TMEM89: variants seen among roughly 807,000 people sequenced by gnomAD.
TMEM89 encodes the protein transmembrane protein 89.
A neutral mutation model predicts 9.3 loss-of-function variants in TMEM89; 4 were observed. The ratio of observed to expected loss-of-function variants is 0.43; its 90% CI spans 0.21 to 0.98. TMEM89 has a LOEUF of 0.98. TMEM89 is among the 50% of genes least tolerant of loss of function. The probability of loss-of-function intolerance (pLI) is 0.27; values close to 1 mark genes in which losing one functional copy is unlikely to be tolerated. For missense variants in TMEM89, 220 were observed against 214.7 expected, an observed-to-expected ratio of 1.02 and a Z score of -0.15; for synonymous variants, 96 against 92.5, an observed-to-expected ratio of 1.04 and a Z score of -0.21.
intron 1 of TMEM89, 143 bp downstream of exon 1, chr3:48,621,320 A>G (rs1034280864): frequency 2.8e-5 from 25 of 905,380 alleles, no homozygotes; most frequent in Non-Finnish European, 3.6e-5. Context: ...CACAGGGACA[A>G]TGGGCTGTGA....
chr3:48,621,096 A>G (rs750049037), intron 1 of TMEM89, 69 bp from the exon 2 acceptor site: 35 of 1,530,850 alleles, frequency 2.3e-5, no homozygotes, highest in Non-Finnish European at 3.0e-5. Flanking sequence ...AGGGGCAGTG[A>G]TGGAGCTGGG....
chr3:48,621,519 T>C lies in TMEM89; in HGVS notation c.238A>G (p.Met80Val). Reference sequence around the variant, plus strand: ...CCCTGCAGTATCTTGCGGCAGATCATCAGCATCGTGGTGGTGATCATGACC... The same window carrying C: ...CCCTGCAGTATCTTGCGGCAGATCACCAGCATCGTGGTGGTGATCATGACC... ...AAVMITTTML[M>V]ICRKILQGRR... The change falls in exon 1 of 2, where the codon ATG (methionine) becomes GTG (valine). Residue 80 changes from methionine to valine, a missense_variant. Physicochemically the swap from Met to Val is conservative, Grantham distance 21. Coordinates refer to ENST00000330862, the MANE Select transcript of TMEM89 (RefSeq NM_001008269.3). 1 of 1,613,842 alleles carries C rather than the reference T, an allele frequency of 6.2e-7. No homozygotes were observed. The highest frequency in any genetic ancestry group is 8.5e-7 in the Non-Finnish European group (1 of 1,179,954).
In TMEM89 at chr3:48,621,474, T is replaced by TG; in HGVS notation, c.282dup (p.Thr95HisfsTer4). On this transcript the variant is annotated frameshift_variant, in exon 1 of 2. Coordinates refer to ENST00000330862, the MANE Select transcript of TMEM89 (RefSeq NM_001008269.3). LOFTEE classifies it low-confidence loss of function (END_TRUNC). ...AGAGCTGTGCTCACCTCACCCTTGG[T>TG]GGCCTGTGAGCGCCGCCGCCCCTGC... 6.2e-7 allele frequency: 1 copy of TG among 1,613,066 alleles called. No homozygotes were observed. Among genetic ancestry groups the TG allele is most frequent in the Non-Finnish European group, 8.5e-7 (1 of 1,179,746 alleles).
Position 48,620,779 on chromosome 3 carries a change from C to A in TMEM89, c.*63G>T, listed in dbSNP as rs2046531361. Reference sequence around the variant, plus strand: ...AAAAGGGACACACGGTCCAGACAGGCCTGGAAAGAGCAGACCTGGCCCAGG... The same window carrying A: ...AAAAGGGACACACGGTCCAGACAGGACTGGAAAGAGCAGACCTGGCCCAGG... On this transcript the variant is annotated 3_prime_UTR_variant, in exon 2 of 2. Transcript: ENST00000330862. 2.0e-6 allele frequency: 3 copies of A among 1,508,160 alleles called. No homozygotes were observed. The highest frequency in any genetic ancestry group is 2.8e-6 in the Non-Finnish European group (3 of 1,086,834). The allele number at this position is 1,508,160 out of a possible 1,614,324, so 93.4% of individuals were successfully genotyped here. A position where few individuals can be genotyped will look rare whatever the true frequency, so the allele number is the denominator to read the frequency against.
chr3:48,621,098 G>A, intron 1 of TMEM89, 71 bp from the exon 2 acceptor site: 1 of 1,499,640 alleles, frequency 6.7e-7, no homozygotes, highest in Admixed American at 1.7e-5. Flanking sequence ...GGGCAGTGAT[G>A]GAGCTGGGGA....
At chr3:48,621,383 G>T in intron 1 of TMEM89, 80 bp downstream of exon 1, 2 of 1,534,686 alleles carry the variant, frequency 1.3e-6, no homozygotes, top group Non-Finnish European at 8.8e-7. Flanking sequence ...CCATGGGGCA[G>T]GGTTGGGTGG....
At position 48,620,843 on chromosome 3, in the gene TMEM89, C is replaced by A; in HGVS notation, c.479G>T (p.Ter160LeuextTer?). Residue 160 changes from the stop codon to leucine, a stop_lost, in exon 2 of 2, where the codon TGA (stop) becomes TTA (leucine). Transcript: ENST00000330862. ...AGGCAAAGAGAGGCACATGTTCGGT[C>A]ACCCACTCTGGGTGGAAGTCCCCTT... ...QIKGTSTQSG[*>L] 1.2e-6 allele frequency: 2 copies of A among 1,614,122 alleles called. No individual in the cohort carries two copies. Among genetic ancestry groups the A allele is most frequent in the South Asian group, 2.2e-5 (2 of 91,042 alleles).
rs1438033156 is a variant in TMEM89 at position 48,621,320 on chromosome 3, A to AT, written c.294+142dup. 4.4e-6 allele frequency: 4 copies of AT among 905,380 alleles called. No homozygotes were observed. In the African/African-American group the frequency reaches 8.1e-5, roughly 18 times the overall value. 56.1% of individuals were successfully genotyped at this position (905,380 alleles called of 1,614,324 possible). On this transcript the variant is annotated intron_variant, in intron 1 of 1. Coordinates refer to ENST00000330862, the MANE Select transcript of TMEM89 (RefSeq NM_001008269.3). Reference sequence around the variant, plus strand: ...ACGAAGGTGTGTGGACACAGGGACAATGGGCTGTGAGCTGGGGGTGGGGGT... The same window carrying AT: ...ACGAAGGTGTGTGGACACAGGGACAATTGGGCTGTGAGCTGGGGGTGGGGGT...
In TMEM89 at chr3:48,621,739, G is replaced by A. The variant is rs755843124; in HGVS notation, c.18C>T (p.Ala6=). The change falls in exon 1 of 2, where the codon GCC becomes GCT. Residue 6 remains alanine (A), a synonymous_variant. Transcript: ENST00000330862. The stretch of plus-strand genomic sequence containing the variant: ...CCAGCAGGAGCAGCAAAGGCAGCGA[G>A]GCCAGCACATGCAGCATGGCCGTCG... MLHVL[A]SLPLLLLLVT... The A allele has an allele frequency of 1.9e-6, 3 of 1,612,842 alleles. No homozygotes were observed. The highest frequency in any genetic ancestry group is 1.1e-5 in the South Asian group (1 of 91,070).
chr3:48,621,344 G>T (rs1249282429), intron 1 of TMEM89, 119 bp downstream of exon 1: 3 of 1,252,372 alleles, frequency 2.4e-6, no homozygotes, highest in Non-Finnish European at 2.2e-6. Flanking sequence ...GGGGGTGGGG[G>T]TGTGGGAGGT....
Position 48,621,556 on chromosome 3 carries a change from G to A in TMEM89, c.201C>T (p.Tyr67=), listed in dbSNP as rs2046540692. The change falls in exon 1 of 2, where the codon TAC becomes TAT. Residue 67 remains tyrosine, a synonymous_variant. Coordinates refer to ENST00000330862, the MANE Select transcript of TMEM89 (RefSeq NM_001008269.3). The part of the protein sequence containing the change: ...YWLGPGASRI[Y]PVAAVMITTT... Reference sequence around the variant, plus strand: ...TGGTGATCATGACCGCAGCCACGGGGTAGATGCGGCTTGCTCCAGGGCCCA... The same window carrying A: ...TGGTGATCATGACCGCAGCCACGGGATAGATGCGGCTTGCTCCAGGGCCCA... 1.9e-6 allele frequency: 3 copies of A among 1,613,710 alleles called. No individual in the cohort carries two copies. In the African/African-American group the frequency reaches 4.0e-5, roughly 22 times the overall value.
At position 48,621,675 on chromosome 3, in the gene TMEM89, A is replaced by G; in HGVS notation, c.82T>C (p.Trp28Arg). 1.2e-6 allele frequency: 2 copies of G among 1,613,898 alleles called. No homozygotes were observed. Among genetic ancestry groups the G allele is most frequent in the Non-Finnish European group, 1.7e-6 (2 of 1,179,960 alleles). Residue 28 changes from tryptophan (W) to arginine (R), a missense_variant, in exon 1 of 2, where the codon TGG becomes CGG. Coordinates refer to ENST00000330862, the MANE Select transcript of TMEM89 (RefSeq NM_001008269.3). ...TGCAAGTCCAGCCCCACCTGGTACC[A>G]GAGGGGTCTCGACCAGGCGTGGGTG... is the stretch of plus-strand genomic sequence containing the variant. ...ASTHAWSRPLWYQVGLDLQPW... is the reference protein window; with the variant it reads ...ASTHAWSRPLRYQVGLDLQPW...
At position 48,621,458 on chromosome 3, in the gene TMEM89, C is replaced by T; in HGVS notation, c.294+5G>A. On this transcript the variant is annotated splice_donor_5th_base_variant and intron_variant, in intron 1 of 1. Coordinates refer to ENST00000330862, the MANE Select transcript of TMEM89 (RefSeq NM_001008269.3). ...CTGTGGGGGAGAAAGAAGAGCTGTG[C>T]TCACCTCACCCTTGGTGGCCTGTGA... 6.2e-7 allele frequency: 1 copy of T among 1,611,664 alleles called. No individual in the cohort carries two copies. Among genetic ancestry groups the T allele is most frequent in the South Asian group, 1.1e-5 (1 of 90,726 alleles).
Position 48,621,699 on chromosome 3 carries a change from T to C in TMEM89, c.58A>G (p.Thr20Ala), listed in dbSNP as rs2046542784. 3 of 1,613,548 alleles carry C rather than the reference T, an allele frequency of 1.9e-6. No homozygotes were observed. The South Asian group carries it at 3.3e-5, about 18-fold the overall frequency. Residue 20 changes from threonine (T) to alanine (A), a missense_variant, in exon 1 of 2, where the codon ACC (threonine) becomes GCC (alanine). Thr to Ala is a moderately conservative substitution (Grantham distance 58). Transcript: ENST00000330862. ...LLLLLVTSAS[T>A]HAWSRPLWYQ... ...CAGAGGGGTCTCGACCAGGCGTGGG[T>C]GGAGGCAGACGTCACCAGCAGGAGC...
rs1183884273 is a variant in TMEM89 at position 48,621,650 on chromosome 3, T to A, written c.107A>T (p.Gln36Leu). 2 of 1,613,840 alleles carry A rather than the reference T, an allele frequency of 1.2e-6. No homozygotes were observed. Among genetic ancestry groups the A allele is most frequent in the Middle Eastern group, 1.6e-4 (1 of 6,074 alleles). ...ACTCTTTGGCTGACACCCCCAGGGC[T>A]GCAAGTCCAGCCCCACCTGGTACCA... ...PLWYQVGLDL[Q>L]PWGCQPKSVE... The change falls in exon 1 of 2, where the codon CAG (glutamine) becomes CTG (leucine). Residue 36 changes from glutamine to leucine, a missense_variant. By Grantham distance (113) the Gln-to-Leu change is moderately radical. Coordinates refer to ENST00000330862, the MANE Select transcript of TMEM89 (RefSeq NM_001008269.3).
chr3:48,621,379 G>C, intron 1 of TMEM89, 84 bp downstream of exon 1: 1 of 1,518,152 alleles, frequency 6.6e-7, no homozygotes, highest in South Asian at 1.2e-5. Flanking sequence ...GGACCCATGG[G>C]GCAGGGTTGG....
Position 48,621,552 on chromosome 3 carries a change from C to T in TMEM89, c.205G>A (p.Val69Met), listed in dbSNP as rs754326563. 17 of 1,613,718 alleles carry T rather than the reference C, an allele frequency of 1.1e-5. No homozygotes were observed. The highest frequency in any genetic ancestry group is 5.5e-5 in the South Asian group (5 of 91,086). The change falls in exon 1 of 2, where the codon GTG (valine) becomes ATG (methionine). Residue 69 changes from valine (V) to methionine (M), a missense_variant. Transcript: ENST00000330862. ...LGPGASRIYP[V>M]AAVMITTTML... ...GTGGTGGTGATCATGACCGCAGCCACGGGGTAGATGCGGCTTGCTCCAGGG... is the reference window on the plus strand; with the variant it reads ...GTGGTGGTGATCATGACCGCAGCCATGGGGTAGATGCGGCTTGCTCCAGGG...
chr3:48,621,380 G>A (rs2046538136), intron 1 of TMEM89, 83 bp downstream of exon 1: 4 of 1,518,154 alleles, frequency 2.6e-6, no homozygotes, highest in African/African-American at 1.4e-5. Flanking sequence ...GACCCATGGG[G>A]CAGGGTTGGG....
Position 48,620,883 on chromosome 3 carries a change from G to C in TMEM89, c.439C>G (p.Arg147Gly), listed in dbSNP as rs577122751. 1 of 1,614,034 alleles carries C rather than the reference G, an allele frequency of 6.2e-7. No homozygotes were observed. Among genetic ancestry groups the C allele is most frequent in the Non-Finnish European group, 8.5e-7 (1 of 1,180,038 alleles). ...GAAGTCCCCTTTATTTGGATTTGCC[G>C]CTGGGTGGCTAGATGACGTAGGTGG... Reference protein sequence around the residue: ...EGHLRHLATQRQIQIKGTSTQ... With the variant: ...EGHLRHLATQGQIQIKGTSTQ... The change falls in exon 2 of 2, where the codon CGG becomes GGG. Residue 147 changes from arginine (R) to glycine (G), a missense_variant. Transcript: ENST00000330862.
Sources: gnomAD v4.1 joint callset for allele counts on GRCh38, gnomAD v4.1.1 for gene constraint, MANE v1.5 for transcripts, NCBI Gene and HGNC (gene_info 2026-07-23, HGNC 2026-07-21) for gene names.